Variants in RGS6 observed in about 807,000 individuals in gnomAD.
RGS6 encodes regulator of G-protein signaling 6.
Under a neutral mutation model 78.5 loss-of-function variants are expected in RGS6, and 30 were observed. The observed-to-expected ratio is 0.38, with a 90% CI of 0.29 to 0.52. The LOEUF is 0.52. RGS6 is among the 20% of genes least tolerant of loss of function. RGS6 has a pLI of 0.85. For synonymous variants in RGS6, 206 were observed against 206.0 expected (o/e 1.00, Z 0.00); for missense variants, 495 against 609.7 (o/e 0.81, Z 1.98).
At chr14:72,292,941 C>G (rs565606788) in intron 2 of RGS6, among the ~76,000 whole-genome samples, 1 of 152,342 alleles carries the variant, frequency 6.6e-6, no homozygotes, top group South Asian at 2.1e-4. Context: ...TCCAACAGCT[C>G]TTGATCTCAC....
At chr14:72,478,082 A>G (rs1212974387) in intron 11 of RGS6, among the ~76,000 whole-genome samples, 186 bp from the exon 12 acceptor site, 3 of 152,204 alleles carry the variant, frequency 2.0e-5, no homozygotes, top group Admixed American at 2.0e-4. Flanking sequence ...CAGAATATGA[A>G]TCTTGTATGA....
At chr14:72,557,887 T>C (rs528657747) in intron 17 of RGS6, among the ~76,000 whole-genome samples, 2 of 152,310 alleles carry the variant, frequency 1.3e-5, no homozygotes, top group Admixed American at 6.5e-5. Context: ...GGGGGAAGCA[T>C]TGAATTTCTC....
chr14:72,238,587 A>G (rs2051831352), intron 2 of RGS6, among the ~76,000 whole-genome samples: 1 of 151,758 alleles, frequency 6.6e-6, no homozygotes, highest in Non-Finnish European at 1.5e-5. Flanking sequence ...TTCCCCTTTT[A>G]TATCATCTTG....
intron 3 of RGS6, among the ~76,000 whole-genome samples, chr14:72,384,142 CT>C (rs1388507960): frequency 5.3e-5 from 8 of 152,040 alleles, no homozygotes; most frequent in Non-Finnish European, 1.2e-4. Flanking sequence ...TGTCTCAGAC[CT>C]GTATGGTACT....
At chr14:72,409,658 A>G (rs1442686924) in intron 3 of RGS6, among the ~76,000 whole-genome samples, 1 of 152,106 alleles carries the variant, frequency 6.6e-6, no homozygotes, top group East Asian at 1.9e-4. Flanking sequence ...GGTGTGCTGC[A>G]CCCATTAACT....
chr14:72,435,955 G>A (rs2094891955), intron 3 of RGS6, among the ~76,000 whole-genome samples: 1 of 152,002 alleles, frequency 6.6e-6, no homozygotes, highest in African/African-American at 2.4e-5. Context: ...GACATCGGGG[G>A]GACATTATTC....
intron 2 of RGS6, among the ~76,000 whole-genome samples, chr14:72,220,458 G>T (rs1476956018): frequency 6.6e-6 from 1 of 152,192 alleles, no homozygotes; most frequent in Non-Finnish European, 1.5e-5. Context: ...GGACTGTCAA[G>T]TAAATGGGAA....
chr14:72,483,039 T>A (rs2096412837), intron 12 of RGS6, among the ~76,000 whole-genome samples: 1 of 152,232 alleles, frequency 6.6e-6, no homozygotes, highest in African/African-American at 2.4e-5. Context: ...TTGTGTTCTC[T>A]GGATACTTGA....
intron 3 of RGS6, among the ~76,000 whole-genome samples, chr14:72,404,871 C>T (rs939309502): frequency 2.6e-5 from 4 of 152,028 alleles, no homozygotes; most frequent in East Asian, 1.9e-4. Flanking sequence ...TGTAAGAGAA[C>T]GATGACAAAT....
intron 2 of RGS6, among the ~76,000 whole-genome samples, chr14:71,971,127 T>C (rs1157215820): frequency 6.6e-6 from 1 of 152,170 alleles, no homozygotes; most frequent in East Asian, 1.9e-4. Context: ...TTATGTACCA[T>C]GCCAAGGAGT....
At chr14:72,463,138 A>T (rs753898071) in intron 6 of RGS6, among the ~76,000 whole-genome samples, 6 of 152,232 alleles carry the variant, frequency 3.9e-5, no homozygotes, top group Non-Finnish European at 8.8e-5. Context: ...ATGGCAGTGG[A>T]TTTCTCTGAG....
At chr14:72,238,126 G>A (rs768081571) in intron 2 of RGS6, among the ~76,000 whole-genome samples, 10 of 152,280 alleles carry the variant, frequency 6.6e-5, no homozygotes, top group East Asian at 1.9e-4. Flanking sequence ...AAGCTTGGCC[G>A]TCTCTGAGGA....
At chr14:72,052,965 CTT>C (rs1306985011) in intron 2 of RGS6, among the ~76,000 whole-genome samples, 3 of 44,024 alleles carry the variant, frequency 6.8e-5, no homozygotes, top group Non-Finnish European at 1.1e-4. Context: ...TTCTTTCTTT[CTT>C]TCTTTCTTTC....
In RGS6 at chr14:71,988,283, G is replaced by T. The variant is rs187486088; in HGVS notation, c.84+23408G>T. Among the ~76,000 whole-genome samples the T allele has an allele frequency of 4.6e-5, 7 of 152,202 alleles. No individual in the cohort carries two copies. In the South Asian group the frequency reaches 6.2e-4, roughly 14 times the overall value. On this transcript the variant is annotated intron_variant, in intron 2 of 17. Coordinates refer to ENST00000553525, the MANE Select transcript of RGS6 (RefSeq NM_001204424.2). ...CTTCATTGCGTTGCTGGGAAGGAGG[G>T]GTCAGTAGTTGAAACAAAAGTCTCC...
At chr14:72,083,437 G>A (rs1012791086) in intron 2 of RGS6, among the ~76,000 whole-genome samples, 4 of 152,120 alleles carry the variant, frequency 2.6e-5, no homozygotes, top group African/African-American at 9.7e-5. Context: ...AATGTTAATA[G>A]TGTCAAGGTT....
chr14:72,304,901 A>C (rs552972487), intron 2 of RGS6, among the ~76,000 whole-genome samples: 45 of 152,276 alleles, frequency 3.0e-4, no homozygotes, highest in African/African-American at 1.0e-3. Context: ...TAAAAAAATT[A>C]ATAAACATTG....
At chr14:72,424,706 C>T (rs932260513) in intron 3 of RGS6, among the ~76,000 whole-genome samples, 5 of 152,090 alleles carry the variant, frequency 3.3e-5, no homozygotes, top group Admixed American at 6.6e-5. Flanking sequence ...TTTGCATTCA[C>T]GGATATTTGC....
intron 2 of RGS6, among the ~76,000 whole-genome samples, chr14:72,261,790 A>T (rs892093953): frequency 3.3e-5 from 5 of 152,172 alleles, no homozygotes; most frequent in African/African-American, 1.2e-4. Context: ...CCAAAAGTCA[A>T]AATCATATTC....
the RGS6 span, among the ~76,000 whole-genome samples, chr14:71,921,780 G>A: frequency 6.6e-6 from 1 of 152,114 alleles, no homozygotes; most frequent in East Asian, 1.9e-4. Context: ...GTTTTTTAAA[G>A]CATCACTTCC....
Sources: gnomAD v4.1 joint callset for allele counts (sites outside exome capture counted in the v4.1 genomes callset) on GRCh38, gnomAD v4.1.1 for gene constraint, MANE v1.5 for transcripts, NCBI Gene and HGNC (gene_info 2026-07-23, HGNC 2026-07-21) for gene names.